Variants in SH2B1 observed in about 807,000 individuals in gnomAD.
SH2B1 encodes SH2B adapter protein 1.
Under a neutral mutation model 62.6 loss-of-function variants are expected in SH2B1, and 15 were observed. The ratio of observed to expected loss-of-function variants is 0.24; its 90% CI spans 0.16 to 0.37. SH2B1 has a LOEUF of 0.37. Among genes scored for constraint, SH2B1 ranks in the 10% least tolerant of loss-of-function variants. SH2B1 has a pLI of 1.00. For missense variants in SH2B1, 925 were observed against 1,015.6 expected, an observed-to-expected ratio of 0.91 and a Z score of 1.21; for synonymous variants, 443 against 438.0, an observed-to-expected ratio of 1.01 and a Z score of -0.14.
At position 28,866,294 on chromosome 16, in the gene SH2B1, G is replaced by A. The variant is rs375578823; in HGVS notation, c.200G>A (p.Arg67His). ...GPGAEAAFSR[R>H]FAELFLQHFE... ...GGGGCCGAGGCTGCCTTCTCCCGCC[G>A]TTTTGCTGAGCTCTTCCTGCAGCAC... The change falls in exon 1 of 8, where the codon CGT becomes CAT. Residue 67 changes from arginine to histidine, a missense_variant. Physicochemically the swap from Arg to His is conservative, Grantham distance 29. This residue lies in a region of SH2B1 where 683 missense variants were observed against 704.0 expected (regional missense o/e 0.97). Transcript: ENST00000684370. This position sits in a 1 kb window ranked among gnomAD's most constrained non-coding sequence, Gnocchi z 6.3. 236 of 1,610,642 alleles carry A rather than the reference G, an allele frequency of 1.5e-4. No individual in the cohort carries two copies. The highest frequency in any genetic ancestry group is 4.8e-4 in the Admixed American group (29 of 59,890).
intron 1 of SH2B1, among the ~76,000 whole-genome samples, chr16:28,850,862 GAAAAAAA>G (rs565938904): frequency 1.4e-5 from 1 of 71,300 alleles, no homozygotes; most frequent in Admixed American, 1.8e-4. Flanking sequence ...GACTCCATCT[GAAAAAAA>G]AAAAAAAAAA....
chr16:28,865,963 T>G lies in SH2B1; in HGVS notation c.-132T>G. 1 of 1,459,042 alleles carries G rather than the reference T, an allele frequency of 6.9e-7. No individual in the cohort carries two copies. The highest frequency in any genetic ancestry group is 2.4e-5 in the East Asian group (1 of 41,380). The allele number at this position is 1,459,042 out of a possible 1,614,324, so 90.4% of individuals were successfully genotyped here. ...GCTGGGGGTGGGATGCAGCCTCCGG[T>G]GCGCCCTCAGCAGTGACCCTCGTGT... On this transcript the variant is annotated 5_prime_UTR_variant, in exon 1 of 8. Transcript: ENST00000684370.
In SH2B1 at chr16:28,866,504, T is replaced by A. The variant is rs757097612; in HGVS notation, c.410T>A (p.Val137Asp). The change falls in exon 1 of 8, where the codon GTC becomes GAC. Residue 137 changes from valine to aspartate, a missense_variant. Val to Asp is a radical substitution (Grantham distance 152). Around this residue, in one of 3 missense-constraint regions of SH2B1, gnomAD observed 683 missense variants for 704.0 expected, o/e 0.97. Coordinates refer to ENST00000684370, the MANE Select transcript of SH2B1 (RefSeq NM_001387430.1). The surrounding 1 kb of genome is among the most constrained non-coding windows in gnomAD (Gnocchi z 6.3). ...CTGGCCGGCCCCCTCCCTTCCTCAG[T>A]CTCTTCCTCCTCTACAACCTCCTCC... The part of the protein sequence containing the change: ...EDLAGPLPSS[V>D]SSSSTTSSKP... 8 of 1,613,934 alleles carry A rather than the reference T, an allele frequency of 5.0e-6. No individual in the cohort carries two copies. The highest frequency in any genetic ancestry group is 6.8e-6 in the Non-Finnish European group (8 of 1,179,998).
At chr16:28,863,226 C>G (rs62037367), upstream of SH2B1, 52,864 of 155,828 alleles carry the variant, frequency 0.34, 9,711 homozygotes, top group Admixed American at 0.4. Context: ...CCACTGCGCC[C>G]GGCCCTGACC....
chr16:28,865,384 C>G lies in SH2B1; in HGVS notation c.-711C>G. On this transcript the variant is annotated 5_prime_UTR_variant, in exon 1 of 8. Coordinates refer to ENST00000684370, the MANE Select transcript of SH2B1 (RefSeq NM_001387430.1). ...GCATCCATCCTCATTAATGAATCGGCCCCCTCCAAAGAGTTGGACCCTAAG... is the reference window on the plus strand; with the variant it reads ...GCATCCATCCTCATTAATGAATCGGGCCCCTCCAAAGAGTTGGACCCTAAG... 2 of 985,654 alleles carry G rather than the reference C, an allele frequency of 2.0e-6. No homozygotes were observed. Among genetic ancestry groups the G allele is most frequent in the Non-Finnish European group, 2.4e-6 (2 of 829,996 alleles). The allele number at this position is 985,654 out of a possible 1,614,324, so 61.1% of individuals were successfully genotyped here.
chr16:28,864,732 C>A lies in SH2B1; in HGVS notation c.-1363C>A. 1 of 873,556 alleles carries A rather than the reference C, an allele frequency of 1.1e-6. No individual in the cohort carries two copies. Among genetic ancestry groups the A allele is most frequent in the African/African-American group, 1.8e-5 (1 of 55,082 alleles). The allele number at this position is 873,556 out of a possible 1,614,324, so 54.1% of individuals were successfully genotyped here. A position where few individuals can be genotyped will look rare whatever the true frequency, so the allele number is the denominator to read the frequency against. On this transcript the variant is annotated 5_prime_UTR_variant, in exon 1 of 8. Coordinates refer to ENST00000684370, the MANE Select transcript of SH2B1 (RefSeq NM_001387430.1). ...AGCCAAGGGTTGTAAATTCCACACC[C>A]AGCTCTGCCACTTTCTAGTTGTAAG... is the stretch of plus-strand genomic sequence containing the variant.
At position 28,867,280 on chromosome 16, in the gene SH2B1, A is replaced by G. The variant is rs181530285; in HGVS notation, c.940-51A>G. ...GATGAATGTCTGGAGGGAGGGGAAGAGTGGTCTTTGGAAACCAAACACCCA... is the reference window on the plus strand; with the variant it reads ...GATGAATGTCTGGAGGGAGGGGAAGGGTGGTCTTTGGAAACCAAACACCCA... On this transcript the variant is annotated intron_variant, in intron 1 of 7. Coordinates refer to ENST00000684370, the MANE Select transcript of SH2B1 (RefSeq NM_001387430.1). 1.8e-5 allele frequency: 25 copies of G among 1,425,828 alleles called. No individual in the cohort carries two copies. The East Asian group carries it at 5.0e-4, about 29-fold the overall frequency. The allele number at this position is 1,425,828 out of a possible 1,614,324, so 88.3% of individuals were successfully genotyped here.
chr16:28,864,139 G>T lies in SH2B1; in HGVS notation c.-1956G>T, dbSNP rs1962554972. 1.7e-6 allele frequency: 2 copies of T among 1,189,780 alleles called. No homozygotes were observed. The highest frequency in any genetic ancestry group is 2.1e-6 in the Non-Finnish European group (2 of 952,786). 73.7% of individuals were successfully genotyped at this position (1,189,780 alleles called of 1,614,324 possible). A position where few individuals can be genotyped will look rare whatever the true frequency, so the allele number is the denominator to read the frequency against. On this transcript the variant is annotated 5_prime_UTR_variant, in exon 1 of 8. Coordinates refer to ENST00000684370, the MANE Select transcript of SH2B1 (RefSeq NM_001387430.1). ...GGCCCCGGAAAATGGGCGGCTGGGG[G>T]GTGTCCAGGGAGTAGGGTCGGATCG...
Position 28,871,760 on chromosome 16 carries a change from T to G in SH2B1, c.1310-20T>G, listed in dbSNP as rs1442384056. 4 of 1,604,762 alleles carry G rather than the reference T, an allele frequency of 2.5e-6. No homozygotes were observed. Among genetic ancestry groups the G allele is most frequent in the Non-Finnish European group, 3.4e-6 (4 of 1,171,622 alleles). On this transcript the variant is annotated intron_variant, in intron 4 of 7. Transcript: ENST00000684370. ...AAGAGGAATTTCTTGGGTTCTCAGC[T>G]TTGCCCTTTTTTTTTCCAGGGGCAT...
Position 28,873,600 on chromosome 16 carries a change from G to A in SH2B1, c.2051G>A (p.Gly684Asp). ...GAGAGGCAAGAGAAAGAGAAAGCGG[G>A]CGGTGGAGGGGTCCCGGAAGAGCTG... ...AKERQEKEKA[G>D]GGGVPEELVP... is the part of the protein sequence containing the mutation. The change falls in exon 8 of 8, where the codon GGC becomes GAC. Residue 684 changes from glycine to aspartate, a missense_variant. Physicochemically the swap from Gly to Asp is moderately conservative, Grantham distance 94. This residue lies in a region of SH2B1 where 185 missense variants were observed against 189.5 expected (regional missense o/e 0.98). Transcript: ENST00000684370. This position sits in a 1 kb window ranked among gnomAD's most constrained non-coding sequence, Gnocchi z 4.2. 6.4e-7 allele frequency: 1 copy of A among 1,557,288 alleles called. No individual in the cohort carries two copies. Among genetic ancestry groups the A allele is most frequent in the Non-Finnish European group, 8.7e-7 (1 of 1,150,696 alleles).
chr16:28,860,721 C>T (rs191406166), upstream of SH2B1, among the ~76,000 whole-genome samples: 1 of 152,256 alleles, frequency 6.6e-6, no homozygotes, highest in Admixed American at 6.5e-5. Context: ...TGTGTTTGCC[C>T]ATTTCCCCCC....
upstream of SH2B1, among the ~76,000 whole-genome samples, chr16:28,861,360 T>C (rs1962440861): frequency 6.6e-6 from 1 of 152,140 alleles, no homozygotes; most frequent in African/African-American, 2.4e-5. Context: ...CTTGAACTCC[T>C]GAACTCATGA....
At chr16:28,853,136 TTATATAAATATATA>T (rs1338390812) in intron 1 of SH2B1, among the ~76,000 whole-genome samples, 3 of 130,824 alleles carry the variant, frequency 2.3e-5, no homozygotes, top group African/African-American at 5.8e-5. Context: ...ATGTATACAT[TTATATAAATATATA>T]TAAATGTATA....
upstream of SH2B1, among the ~76,000 whole-genome samples, chr16:28,860,019 T>C (rs1317703924): frequency 6.6e-6 from 1 of 151,940 alleles, no homozygotes; most frequent in Non-Finnish European, 1.5e-5. Context: ...ACCTGGGCCC[T>C]GGATAACGTC....
At chr16:28,868,386 C>T (rs904626801) in intron 2 of SH2B1, among the ~76,000 whole-genome samples, 22 of 151,968 alleles carry the variant, frequency 1.4e-4, no homozygotes, top group Middle Eastern at 3.4e-3. Flanking sequence ...GTGATTTGCC[C>T]GCCTCAGCCT....
At chr16:28,847,976 C>T (rs1220768186) in intron 1 of SH2B1, among the ~76,000 whole-genome samples, 1 of 151,842 alleles carries the variant, frequency 6.6e-6, no homozygotes, top group Non-Finnish European at 1.5e-5. Context: ...CAGGCATGTG[C>T]CACCACGCCT....
intron 1 of SH2B1, among the ~76,000 whole-genome samples, chr16:28,858,119 C>G (rs573885517): frequency 6.6e-6 from 1 of 152,296 alleles, no homozygotes; most frequent in East Asian, 1.9e-4. Context: ...GTTGGGCTGG[C>G]TCAAAATCCC....
At chr16:28,854,883 G>A (rs1257846632) in intron 1 of SH2B1, among the ~76,000 whole-genome samples, 2 of 152,082 alleles carry the variant, frequency 1.3e-5, no homozygotes, top group Non-Finnish European at 2.9e-5. Flanking sequence ...CTTCATTTTT[G>A]TTTTTGTTTT....
chr16:28,866,453 T>G lies in SH2B1; in HGVS notation c.359T>G (p.Leu120Arg). ...AGGGTGGGTGGGCCCCTGGCTGTGC[T>G]GGGCCCTTCTCGATCATCTGAGGAC... is the stretch of plus-strand genomic sequence containing the variant. ...SCRVGGPLAV[L>R]GPSRSSEDLA... Residue 120 changes from leucine to arginine, a missense_variant, in exon 1 of 8, where the codon CTG becomes CGG. Leu to Arg is a moderately radical substitution (Grantham distance 102). This residue lies in a region of SH2B1 where 683 missense variants were observed against 704.0 expected (regional missense o/e 0.97). Coordinates refer to ENST00000684370, the MANE Select transcript of SH2B1 (RefSeq NM_001387430.1). The surrounding 1 kb of genome is among the most constrained non-coding windows in gnomAD (Gnocchi z 6.3). 3 of 1,613,924 alleles carry G rather than the reference T, an allele frequency of 1.9e-6. No homozygotes were observed. The highest frequency in any genetic ancestry group is 2.5e-6 in the Non-Finnish European group (3 of 1,180,006).
Sources: gnomAD v4.1 joint callset for allele counts (sites outside exome capture counted in the v4.1 genomes callset) on GRCh38, gnomAD v4.1.1 for gene constraint, gnomAD v4.1.1 regional missense constraint, Gnocchi (gnomAD v3.1) non-coding constraint, MANE v1.5 for transcripts, NCBI Gene and HGNC (gene_info 2026-07-23, HGNC 2026-07-21) for gene names.